SHROOM4: variants seen among roughly 807,000 people sequenced by gnomAD.
The protein encoded by SHROOM4 is protein Shroom4.
SHROOM4 carries 17 observed loss-of-function variants against 80.3 expected under a neutral mutation model. The ratio of observed to expected loss-of-function variants is 0.21; its 90% confidence interval spans 0.14 to 0.32. The LOEUF (loss-of-function observed/expected upper bound fraction) is 0.32, where lower values mean the gene tolerates loss of function less well. SHROOM4 is among the 10% of genes least tolerant of loss of function. SHROOM4 has a pLI of 1.00. For missense variants in SHROOM4, 993 were observed against 1,140.3 expected (o/e 0.87, Z 1.86); for synonymous variants, 400 against 437.5 (o/e 0.91, Z 1.07).
At chrX:50,598,910 C>T (rs1929256463) in intron 7 of SHROOM4, among the ~76,000 whole-genome samples, 1 of 111,357 alleles carries the variant, frequency 9.0e-6, no homozygotes, top group African/African-American at 3.3e-5. Flanking sequence ...ACTGCAACCT[C>T]CGCCTCTCAG....
intron 1 of SHROOM4, among the ~76,000 whole-genome samples, chrX:50,708,820 TA>T (rs1395281100): frequency 9.0e-6 from 1 of 110,858 alleles, no homozygotes; most frequent in Admixed American, 9.6e-5. Flanking sequence ...TCTAAGCACA[TA>T]AAAAAAATTT....
chrX:50,602,923 GA>G, intron 6 of SHROOM4, 110 bp from the exon 7 acceptor site: 4 of 728,375 alleles, frequency 5.5e-6, no homozygotes, highest in Non-Finnish European at 8.3e-6. Context: ...CCAAGGAGTT[GA>G]AAAAAATGGA....
chrX:50,676,598 T>C (rs1557261327), intron 2 of SHROOM4, among the ~76,000 whole-genome samples: 1 of 111,527 alleles, frequency 9.0e-6, no homozygotes, highest in Non-Finnish European at 1.9e-5. Context: ...TTTCTATCCA[T>C]TAATTATTTT....
intron 1 of SHROOM4, among the ~76,000 whole-genome samples, chrX:50,723,340 G>A (rs1934165124): frequency 1.6e-5 from 1 of 63,116 alleles, no homozygotes; most frequent in African/African-American, 5.8e-5. Context: ...GGGGAGGAGG[G>A]GGAGAGGGGC....
At position 50,634,883 on chromosome X, in the gene SHROOM4, C is replaced by T. The variant is rs782338264; in HGVS notation, c.1190G>A (p.Gly397Asp). 1.7e-5 allele frequency: 21 copies of T among 1,204,201 alleles called. No homozygotes were observed. In the East Asian group the frequency reaches 6.0e-4, roughly 34 times the overall value. ...ASAELAKASF[G>D]RPPHLIGPTG... ...GGGTCCTATGAGATGTGGAGGTCTG[C>T]CAAAAGAAGCCTTAGCTAGCTCTGC... is the stretch of plus-strand genomic sequence containing the variant. The change falls in exon 4 of 9, where the codon GGC becomes GAC. Residue 397 changes from glycine to aspartate, a missense_variant. Gly to Asp is a moderately conservative substitution (Grantham distance 94). Coordinates refer to ENST00000376020, the MANE Select transcript of SHROOM4 (RefSeq NM_020717.5).
chrX:50,615,584 C>T (rs1182641398), intron 5 of SHROOM4, among the ~76,000 whole-genome samples: 4 of 112,068 alleles, frequency 3.6e-5, no homozygotes, highest in East Asian at 2.8e-4. Context: ...GCACAGTGCC[C>T]GGCACACAGT....
intron 1 of SHROOM4, among the ~76,000 whole-genome samples, chrX:50,710,368 A>G (rs1353865471): frequency 3.6e-5 from 4 of 111,991 alleles, no homozygotes; most frequent in African/African-American, 9.8e-5. Flanking sequence ...TTGTAGCAAC[A>G]TGGATGCAGC....
At chrX:50,619,327 G>A (rs1392963124) in intron 5 of SHROOM4, among the ~76,000 whole-genome samples, 1 of 111,028 alleles carries the variant, frequency 9.0e-6, no homozygotes, top group South Asian at 3.9e-4. Context: ...AGCCCAACCC[G>A]TCTCGCCTTT....
At chrX:50,651,690 A>G (rs368315554) in intron 2 of SHROOM4, among the ~76,000 whole-genome samples, 38 of 111,598 alleles carry the variant, frequency 3.4e-4, no homozygotes, top group African/African-American at 1.2e-3. Context: ...CCATCAACCC[A>G]TCATCTACAT....
At position 50,685,397 on chromosome X, in the gene SHROOM4, G is replaced by A. The variant is rs782765157; in HGVS notation, c.269+10389C>T. Reference sequence around the variant, plus strand: ...GTCTGGAGCTCAGGAAGAAGGGAAAGCTGGGAAGAGAGATCTGGCAGTCTC... The same window carrying A: ...GTCTGGAGCTCAGGAAGAAGGGAAAACTGGGAAGAGAGATCTGGCAGTCTC... On this transcript the variant is annotated intron_variant, in intron 2 of 8. Coordinates refer to ENST00000376020, the MANE Select transcript of SHROOM4 (RefSeq NM_020717.5). Among the ~76,000 whole-genome samples the A allele has an allele frequency of 3.6e-5, 4 of 111,991 alleles. No individual in the cohort carries two copies. In the East Asian group the frequency reaches 1.1e-3, roughly 31 times the overall value.
chrX:50,750,407 G>A (rs1194048302), intron 1 of SHROOM4, among the ~76,000 whole-genome samples: 2 of 111,612 alleles, frequency 1.8e-5, no homozygotes, highest in Non-Finnish European at 3.8e-5. Context: ...GATTACAGGC[G>A]ACTGCCACCA....
At chrX:50,723,383 AGCAAGGGAGG>A (rs1557265622) in intron 1 of SHROOM4, among the ~76,000 whole-genome samples, 1 of 37,104 alleles carries the variant, frequency 2.7e-5, no homozygotes, top group Non-Finnish European at 5.5e-5. Context: ...GGAGGGAGGG[AGCAAGGGAGG>A]GAGAGAGAGA....
At chrX:50,810,816 A>C (rs1557273374) in intron 1 of SHROOM4, among the ~76,000 whole-genome samples, 2 of 112,436 alleles carry the variant, frequency 1.8e-5, no homozygotes, top group African/African-American at 6.5e-5. Flanking sequence ...TAGGTAAGCC[A>C]CTGAATACAT....
At chrX:50,641,776 C>A (rs1931610276) in intron 2 of SHROOM4, among the ~76,000 whole-genome samples, 1 of 112,180 alleles carries the variant, frequency 8.9e-6, no homozygotes, top group South Asian at 3.7e-4. Context: ...CCATGCCCAG[C>A]TAATTTTGTA....
At chrX:50,753,270 A>G (rs1557268172) in intron 1 of SHROOM4, among the ~76,000 whole-genome samples, 3 of 112,037 alleles carry the variant, frequency 2.7e-5, no homozygotes, top group African/African-American at 9.7e-5. Context: ...GTCCTGCTTT[A>G]AGAGAGTTAC....
At chrX:50,778,855 AC>A (rs1680759156) in intron 1 of SHROOM4, among the ~76,000 whole-genome samples, 2 of 111,515 alleles carry the variant, frequency 1.8e-5, no homozygotes, top group African/African-American at 6.5e-5. Flanking sequence ...TCACTTTCCG[AC>A]ACTTCCCAGC....
chrX:50,611,254 T>A (rs965527589), intron 5 of SHROOM4, among the ~76,000 whole-genome samples: 25 of 102,312 alleles, frequency 2.4e-4, no homozygotes, highest in Admixed American at 7.7e-4. Flanking sequence ...GTTCACGCCA[T>A]TCTCCTGCCT....
rs782667541 is a variant in SHROOM4, at chrX:50,602,170, C to T, written c.3942+463G>A. On this transcript the variant is annotated intron_variant, in intron 7 of 8. Transcript: ENST00000376020. The stretch of plus-strand genomic sequence containing the variant: ...GCAGTGGCGCGATCTCGGCTCACTG[C>T]AACCTCCGCCTCCCGGGTTCAAGCA... 8.2e-4 allele frequency among the ~76,000 whole-genome samples: 89 copies of T among 108,668 alleles called. 1 individual carries two copies. The highest frequency in any genetic ancestry group is 2.8e-3 in the African/African-American group (83 of 29,761). 94.4% of individuals were successfully genotyped at this position (108,668 alleles called of 115,157 possible).
downstream of SHROOM4, among the ~76,000 whole-genome samples, chrX:50,586,311 A>G (rs183881848): frequency 8.9e-6 from 1 of 111,972 alleles, no homozygotes; most frequent in Non-Finnish European, 1.9e-5. Context: ...TTCAAGCTGG[A>G]AAGATTTTTT....
Sources: gnomAD v4.1 joint callset for allele counts (sites outside exome capture counted in the v4.1 genomes callset) on GRCh38, gnomAD v4.1.1 for gene constraint, MANE v1.5 for transcripts, NCBI Gene and HGNC (gene_info 2026-07-23, HGNC 2026-07-21) for gene names.